Variants in CERS6 observed in about 807,000 individuals in gnomAD.
CERS6 encodes the protein LAG1 homolog, ceramide synthase 6.
A neutral mutation model predicts 56.8 loss-of-function variants in CERS6; 26 were observed. That is an observed-to-expected ratio of 0.46 (90% CI 0.34 to 0.63). The LOEUF (loss-of-function observed/expected upper bound fraction) is 0.63, where lower values mean the gene tolerates loss of function less well. CERS6 is among the 30% of genes least tolerant of loss of function. The pLI is 0.01. For missense variants in CERS6, 415 were observed against 467.5 expected (o/e 0.89, Z 1.04); for synonymous variants, 164 against 173.3 (o/e 0.95, Z 0.42).
At chr2:168,761,063 A>T (rs1277847068) in intron 8 of CERS6, among the ~76,000 whole-genome samples, 1 of 152,052 alleles carries the variant, frequency 6.6e-6, no homozygotes, top group African/African-American at 2.4e-5. Flanking sequence ...GGCCGGGTTT[A>T]CTGTTTATTA....
chr2:168,503,084 TAGTG>T (rs2105346184), intron 1 of CERS6, among the ~76,000 whole-genome samples: 1 of 152,190 alleles, frequency 6.6e-6, no homozygotes, highest in Non-Finnish European at 1.5e-5. Context: ...TTTCTCATAG[TAGTG>T]AGTGAGTTCT....
chr2:168,625,178 C>T (rs533999522), intron 3 of CERS6, among the ~76,000 whole-genome samples: 209 of 152,030 alleles, frequency 1.4e-3, no homozygotes, highest in Non-Finnish European at 2.5e-3. Context: ...TTAATAAAAT[C>T]GATTTCAGAA....
At chr2:168,654,959 A>G (rs1685433027) in intron 4 of CERS6, among the ~76,000 whole-genome samples, 1 of 152,156 alleles carries the variant, frequency 6.6e-6, no homozygotes, top group Non-Finnish European at 1.5e-5. Context: ...TTCTTATCCT[A>G]AGTTAGTTGC....
intron 4 of CERS6, among the ~76,000 whole-genome samples, chr2:168,661,028 A>G (rs927485996): frequency 6.9e-6 from 1 of 145,274 alleles, no homozygotes; most frequent in African/African-American, 2.6e-5. Context: ...TACTATCTGG[A>G]GTGGCAGCGG....
chr2:168,528,671 T>C (rs1391864399), intron 1 of CERS6, among the ~76,000 whole-genome samples: 2 of 14,472 alleles, frequency 1.4e-4, no homozygotes, highest in African/African-American at 2.9e-4. Flanking sequence ...TTTTATAGCA[T>C]GAGTCACTGC....
intron 4 of CERS6, among the ~76,000 whole-genome samples, chr2:168,642,011 A>G: frequency 6.6e-6 from 1 of 152,164 alleles, no homozygotes; most frequent in Non-Finnish European, 1.5e-5. Flanking sequence ...AATTCTCATT[A>G]TCTCTTGTTA....
chr2:168,492,078 A>G (rs10469695), intron 1 of CERS6, among the ~76,000 whole-genome samples: 3,409 of 152,290 alleles, frequency 0.022, 115 homozygotes, highest in African/African-American at 0.078. Flanking sequence ...CGCAGTAAAC[A>G]TACGTGTGCA....
intron 1 of CERS6, among the ~76,000 whole-genome samples, chr2:168,524,932 GTGGACATTTTTCC>G (rs1450153259): frequency 1.3e-5 from 2 of 152,016 alleles, no homozygotes; most frequent in African/African-American, 4.8e-5. Context: ...CTCTAGCTAT[GTGGACATTTTTCC>G]TGAAGAAAAA....
intron 3 of CERS6, among the ~76,000 whole-genome samples, chr2:168,615,432 A>C (rs1462438940): frequency 6.6e-6 from 1 of 152,086 alleles, no homozygotes; most frequent in African/African-American, 2.4e-5. Flanking sequence ...GAGGCACCAG[A>C]GAAAGGTGAA....
intron 1 of CERS6, among the ~76,000 whole-genome samples, chr2:168,508,078 C>G: frequency 6.6e-6 from 1 of 152,130 alleles, no homozygotes; most frequent in East Asian, 1.9e-4. Context: ...TGTCCATATT[C>G]TGTGATTGAT....
chr2:168,700,031 A>C (rs767389481), intron 6 of CERS6, among the ~76,000 whole-genome samples: 1 of 152,258 alleles, frequency 6.6e-6, no homozygotes, highest in Non-Finnish European at 1.5e-5. Context: ...AGTCCTTCTC[A>C]GGGAAGCATC....
intron 4 of CERS6, among the ~76,000 whole-genome samples, chr2:168,667,291 A>C (rs532719488): frequency 2.4e-4 from 36 of 152,318 alleles, no homozygotes; most frequent in Admixed American, 1.5e-3. Flanking sequence ...AGGGTGAACA[A>C]GTAGCACAGC....
At chr2:168,567,133 G>A (rs1293711849) in intron 3 of CERS6, among the ~76,000 whole-genome samples, 1 of 152,176 alleles carries the variant, frequency 6.6e-6, no homozygotes, top group Admixed American at 6.6e-5. Context: ...GAAAAGTACA[G>A]GGTTGAGCTG....
intron 4 of CERS6, among the ~76,000 whole-genome samples, chr2:168,642,734 T>C (rs920419364): frequency 1.3e-5 from 2 of 152,206 alleles, no homozygotes; most frequent in African/African-American, 4.8e-5. Context: ...CTTTCCAGCG[T>C]ACAGTAAAGG....
chr2:168,545,268 G>A (rs556352300), intron 1 of CERS6, among the ~76,000 whole-genome samples: 1 of 152,210 alleles, frequency 6.6e-6, no homozygotes, highest in South Asian at 2.1e-4. Context: ...TAGCCAGATA[G>A]CAGCAGAAAT....
intron 1 of CERS6, among the ~76,000 whole-genome samples, chr2:168,545,813 G>C (rs1216794492): frequency 6.6e-6 from 1 of 152,120 alleles, no homozygotes; most frequent in Non-Finnish European, 1.5e-5. Context: ...AAAGAAGACT[G>C]TACTGGAACA....
intron 2 of CERS6, 64 bp downstream of exon 2, chr2:168,547,765 C>G: frequency 8.9e-7 from 1 of 1,128,470 alleles, no homozygotes; most frequent in Admixed American, 1.8e-5. Context: ...TGCTGTCATT[C>G]AATTTGTCCC....
chr2:168,600,218 T>A (rs963184862), intron 3 of CERS6, among the ~76,000 whole-genome samples: 1 of 142,494 alleles, frequency 7.0e-6, no homozygotes, highest in African/African-American at 2.5e-5. Flanking sequence ...CTCTTTTTTT[T>A]TTTTTAATCG....
chr2:168,755,318 A>G (rs773710675), intron 8 of CERS6, among the ~76,000 whole-genome samples: 3 of 152,220 alleles, frequency 2.0e-5, no homozygotes, highest in Non-Finnish European at 2.9e-5. Flanking sequence ...AAATATTACT[A>G]TGGCTCTAGC....
Sources: gnomAD v4.1 joint callset for allele counts (sites outside exome capture counted in the v4.1 genomes callset) on GRCh38, gnomAD v4.1.1 for gene constraint, MANE v1.5 for transcripts, NCBI Gene and HGNC (gene_info 2026-07-23, HGNC 2026-07-21) for gene names.